STXBP6: variants seen among roughly 807,000 people sequenced by gnomAD.
STXBP6 encodes the protein syntaxin binding protein 6.
Under a neutral mutation model 26.9 loss-of-function variants are expected in STXBP6, and 21 were observed. The observed-to-expected ratio is 0.78, with a 90% CI of 0.55 to 1.12. The LOEUF is 1.12. Among genes scored for constraint, STXBP6 ranks in the 50% most tolerant of loss-of-function variants. The pLI is 0.00. For missense variants in STXBP6, 232 were observed against 257.9 expected (o/e 0.90, Z 0.69); for synonymous variants, 97 against 92.6 (o/e 1.05, Z -0.27).
At chr14:25,034,911 G>A (rs1005980841) in intron 1 of STXBP6, among the ~76,000 whole-genome samples, 1 of 152,112 alleles carries the variant, frequency 6.6e-6, no homozygotes, top group Admixed American at 6.5e-5. Flanking sequence ...AGCACTTTGG[G>A]AGGCCAAGGG....
chr14:24,871,132 T>A (rs1044336526), intron 2 of STXBP6, among the ~76,000 whole-genome samples: 1 of 152,128 alleles, frequency 6.6e-6, no homozygotes, highest in Non-Finnish European at 1.5e-5. Context: ...ACTACTTTCA[T>A]ATGGCAGGAA....
At chr14:24,970,235 C>T (rs2073864324) in intron 2 of STXBP6, among the ~76,000 whole-genome samples, 3 of 148,444 alleles carry the variant, frequency 2.0e-5, no homozygotes, top group Admixed American at 6.7e-5. Flanking sequence ...AACGAGACTC[C>T]GTCTCAAAAA....
At chr14:25,032,088 C>A (rs1377226256) in intron 1 of STXBP6, among the ~76,000 whole-genome samples, 1 of 152,062 alleles carries the variant, frequency 6.6e-6, no homozygotes. Context: ...AATAAAGAGG[C>A]TTGAAATATA....
chr14:24,839,322 G>C (rs983885580), intron 4 of STXBP6, among the ~76,000 whole-genome samples: 1 of 152,024 alleles, frequency 6.6e-6, no homozygotes, highest in Non-Finnish European at 1.5e-5. Context: ...TAACTAGTAA[G>C]TTATCACAAC....
intron 1 of STXBP6, among the ~76,000 whole-genome samples, chr14:24,990,716 A>T (rs998750955): frequency 3.3e-5 from 5 of 151,796 alleles, no homozygotes; most frequent in Admixed American, 1.3e-4. Flanking sequence ...AAGAAAACAG[A>T]GCAATTAGTA....
chr14:24,909,631 A>T (rs1257460467), intron 2 of STXBP6, among the ~76,000 whole-genome samples: 1 of 151,890 alleles, frequency 6.6e-6, no homozygotes. Flanking sequence ...AAAATAGAAG[A>T]AAAAAATCAG....
chr14:24,864,942 C>T (rs1242099182), intron 2 of STXBP6, among the ~76,000 whole-genome samples: 1 of 152,158 alleles, frequency 6.6e-6, no homozygotes, highest in Non-Finnish European at 1.5e-5. Context: ...CACCTTCTCT[C>T]TCTACTGTGT....
chr14:24,982,950 G>A (rs1242633221), intron 1 of STXBP6, among the ~76,000 whole-genome samples: 4 of 152,170 alleles, frequency 2.6e-5, no homozygotes, highest in Admixed American at 2.6e-4. Context: ...GATTTATTGA[G>A]GTAAGACGAA....
chr14:24,830,827 T>C (rs1440216258), intron 4 of STXBP6, among the ~76,000 whole-genome samples: 2 of 152,002 alleles, frequency 1.3e-5, no homozygotes, highest in Non-Finnish European at 2.9e-5. Context: ...ATCTTAACAT[T>C]TAGAGTAAGG....
intron 2 of STXBP6, among the ~76,000 whole-genome samples, chr14:24,949,039 C>T (rs543315095): frequency 5.3e-5 from 8 of 152,094 alleles, no homozygotes; most frequent in South Asian, 4.2e-4. Flanking sequence ...CACAGAGTAG[C>T]TGGAAAGATA....
chr14:24,969,003 A>G (rs971269677), intron 2 of STXBP6, among the ~76,000 whole-genome samples: 24 of 152,276 alleles, frequency 1.6e-4, no homozygotes, highest in African/African-American at 5.1e-4. Flanking sequence ...GAGAAATTCT[A>G]GAGGGTTTTA....
chr14:25,003,607 A>C (rs2074819143), intron 1 of STXBP6, among the ~76,000 whole-genome samples: 1 of 152,220 alleles, frequency 6.6e-6, no homozygotes, highest in South Asian at 2.1e-4. Flanking sequence ...TAACATAAGA[A>C]AATTCTTTTG....
At chr14:24,872,603 G>C (rs909465080) in intron 2 of STXBP6, among the ~76,000 whole-genome samples, 3 of 152,214 alleles carry the variant, frequency 2.0e-5, no homozygotes, top group African/African-American at 7.2e-5. Context: ...TACAAGGATA[G>C]AGTGAATGCC....
chr14:24,902,377 G>A (rs2071243783), intron 2 of STXBP6, among the ~76,000 whole-genome samples: 2 of 152,142 alleles, frequency 1.3e-5, no homozygotes, highest in South Asian at 4.1e-4. Context: ...GATATAGAGT[G>A]TATATGGTTG....
At chr14:24,959,351 C>T (rs2073449734) in intron 2 of STXBP6, among the ~76,000 whole-genome samples, 3 of 152,104 alleles carry the variant, frequency 2.0e-5, no homozygotes, top group Admixed American at 1.3e-4. Flanking sequence ...AAGCAAAGGG[C>T]ACAAGAGGCG....
intron 3 of STXBP6, 125 bp downstream of exon 3, chr14:24,856,902 C>T (rs774571858): frequency 8.2e-7 from 1 of 1,220,322 alleles, no homozygotes; most frequent in East Asian, 2.5e-5. Flanking sequence ...GTTTTAATCA[C>T]ATAATTGAAA....
At chr14:24,911,758 T>C (rs1031554634) in intron 2 of STXBP6, among the ~76,000 whole-genome samples, 2 of 152,240 alleles carry the variant, frequency 1.3e-5, no homozygotes, top group African/African-American at 4.8e-5. Context: ...AGCAGCCACA[T>C]CTGCAGCAGA....
chr14:24,888,350 T>C (rs1188368069), intron 2 of STXBP6, among the ~76,000 whole-genome samples: 1 of 152,082 alleles, frequency 6.6e-6, no homozygotes, highest in Non-Finnish European at 1.5e-5. Context: ...CCACCCAATA[T>C]ACATCAGAGA....
intron 2 of STXBP6, among the ~76,000 whole-genome samples, chr14:24,942,312 G>A (rs1027371472): frequency 3.9e-5 from 6 of 152,182 alleles, no homozygotes; most frequent in African/African-American, 2.4e-5. Context: ...GGGAAAACTA[G>A]AACCATATTT....
Sources: gnomAD v4.1 joint callset for allele counts (sites outside exome capture counted in the v4.1 genomes callset) on GRCh38, gnomAD v4.1.1 for gene constraint, MANE v1.5 for transcripts, NCBI Gene and HGNC (gene_info 2026-07-23, HGNC 2026-07-21) for gene names.